Variants in RBFOX1 observed in about 807,000 individuals in gnomAD.
RBFOX1 encodes RNA binding fox-1 homolog 1, also known as RNA binding protein fox-1 homolog 1.
In RBFOX1, 8 loss-of-function variants were observed where a neutral mutation model predicts 57.7. That is an observed-to-expected ratio of 0.14 (90% CI 0.08 to 0.25). The LOEUF (loss-of-function observed/expected upper bound fraction) is 0.25. RBFOX1 is among the 10% of genes least tolerant of loss of function. RBFOX1 has a pLI of 1.00. For missense variants in RBFOX1, 611 were observed against 548.5 expected, an observed-to-expected ratio of 1.11 and a Z score of -1.14; for synonymous variants, 326 against 222.4, an observed-to-expected ratio of 1.47 and a Z score of -4.15.
At chr16:7,473,757 T>A (rs1324197964) in intron 4 of RBFOX1, among the ~76,000 whole-genome samples, 2 of 152,092 alleles carry the variant, frequency 1.3e-5, no homozygotes, top group African/African-American at 4.8e-5. Flanking sequence ...CTCCACTTCT[T>A]GGCTGTGTTC....
chr16:7,665,427 C>T (rs1449844575), intron 13 of RBFOX1, among the ~76,000 whole-genome samples: 1 of 152,186 alleles, frequency 6.6e-6, no homozygotes, highest in Non-Finnish European at 1.5e-5. Context: ...CTCTTTCTCT[C>T]TCTAGACATG....
At chr16:6,486,260 T>A (rs545382840) in intron 2 of RBFOX1, among the ~76,000 whole-genome samples, 1 of 151,964 alleles carries the variant, frequency 6.6e-6, no homozygotes, top group African/African-American at 2.4e-5. Flanking sequence ...GACAACCTGC[T>A]TGAATGGGCC....
At chr16:7,187,188 A>T (rs1410777034) in intron 4 of RBFOX1, among the ~76,000 whole-genome samples, 5 of 151,912 alleles carry the variant, frequency 3.3e-5, no homozygotes, top group Non-Finnish European at 7.4e-5. Context: ...ATAAAAAAAT[A>T]AATAAAATGT....
intron 4 of RBFOX1, among the ~76,000 whole-genome samples, chr16:7,514,950 A>G (rs2076030264): frequency 6.6e-6 from 1 of 152,216 alleles, no homozygotes; most frequent in Non-Finnish European, 1.5e-5. Context: ...CTTTGTCTTC[A>G]TATGATCATT....
At chr16:6,100,300 C>A (rs1299420) in intron 1 of RBFOX1, among the ~76,000 whole-genome samples, 25 of 152,048 alleles carry the variant, frequency 1.6e-4, no homozygotes, top group African/African-American at 5.8e-4. Flanking sequence ...GGAGCTGGGA[C>A]TACAGGCGCC....
In RBFOX1 at chr16:6,229,502, G is replaced by A. The variant is rs74006970; in HGVS notation, c.-126-87493G>A. 2.9e-3 allele frequency among the ~76,000 whole-genome samples: 449 copies of A among 152,242 alleles called. 1 individual carries two copies. Among genetic ancestry groups the A allele is most frequent in the African/African-American group, 9.8e-3 (409 of 41,564 alleles). Reference sequence around the variant, plus strand: ...ATGATGTTTGTGAGCATTAAGTGACGCAAACACAATAAAGGATTTTGCTTT... The same window carrying A: ...ATGATGTTTGTGAGCATTAAGTGACACAAACACAATAAAGGATTTTGCTTT... On this transcript the variant is annotated intron_variant, in intron 1 of 15. Coordinates refer to ENST00000550418, the MANE Select transcript of RBFOX1 (RefSeq NM_018723.4).
chr16:7,354,175 TG>T (rs1428196236), intron 4 of RBFOX1, among the ~76,000 whole-genome samples: 1 of 152,052 alleles, frequency 6.6e-6, no homozygotes, highest in East Asian at 1.9e-4. Context: ...TTCATCACAT[TG>T]GTCAGACTGG....
At chr16:6,366,799 A>T (rs1022134432) in intron 2 of RBFOX1, among the ~76,000 whole-genome samples, 1 of 152,198 alleles carries the variant, frequency 6.6e-6, no homozygotes, top group African/African-American at 2.4e-5. Flanking sequence ...AGCCAAAATT[A>T]GGCACCAGTG....
chr16:7,422,202 G>GAT (rs1598059714), intron 4 of RBFOX1, among the ~76,000 whole-genome samples: 2 of 152,204 alleles, frequency 1.3e-5, no homozygotes, highest in Admixed American at 6.5e-5. Flanking sequence ...GAAACACTTG[G>GAT]ATAGAACTGC....
chr16:5,977,334 G>A (rs1311483196), intron 4 of RBFOX1, among the ~76,000 whole-genome samples: 1 of 152,138 alleles, frequency 6.6e-6, no homozygotes, highest in Non-Finnish European at 1.5e-5. Flanking sequence ...TCACAGGCCA[G>A]CCCGTCATGC....
intron 4 of RBFOX1, among the ~76,000 whole-genome samples, chr16:7,370,455 C>G (rs578145110): frequency 5.3e-5 from 8 of 152,278 alleles, no homozygotes; most frequent in African/African-American, 1.7e-4. Context: ...ATTTGTCAAT[C>G]AAAGCGATCT....
rs539690394 is a variant in RBFOX1 at position 5,599,231 on chromosome 16, G to A, written c.588G>A (p.Pro196=). 125 of 687,304 alleles carry A rather than the reference G, an allele frequency of 1.8e-4. 1 individual carries two copies. The highest frequency in any genetic ancestry group is 1.3e-3 in the South Asian group (84 of 64,120). 42.6% of individuals were successfully genotyped at this position (687,304 alleles called of 1,614,324 possible). A position where few individuals can be genotyped will look rare whatever the true frequency, so the allele number is the denominator to read the frequency against. The change falls in exon 3 of 3, where the codon CCG becomes CCA. Residue 196 remains proline (P), a synonymous_variant. Coordinates refer to the RBFOX1 transcript ENST00000585867. ...CCAGGCCCACTTGGTGGACAGATCC[G>A]GGGCACAGTGGTTGGTGACAAGGCT...
At chr16:7,443,175 C>T (rs982807718) in intron 4 of RBFOX1, among the ~76,000 whole-genome samples, 6 of 152,116 alleles carry the variant, frequency 3.9e-5, no homozygotes, top group African/African-American at 7.2e-5. Flanking sequence ...TCTAGGATCG[C>T]GTGGTACAGG....
At chr16:6,676,078 G>T (rs1386149502) in intron 3 of RBFOX1, among the ~76,000 whole-genome samples, 1 of 151,756 alleles carries the variant, frequency 6.6e-6, no homozygotes, top group Non-Finnish European at 1.5e-5. Context: ...TAGGGGTTTG[G>T]GGTTGGGGGT....
chr16:7,348,120 A>G (rs540861577), intron 4 of RBFOX1, among the ~76,000 whole-genome samples: 1 of 152,342 alleles, frequency 6.6e-6, no homozygotes, highest in Non-Finnish European at 1.5e-5. Flanking sequence ...TTTTCTTACC[A>G]TAAAATTAAT....
intron 1 of RBFOX1, among the ~76,000 whole-genome samples, chr16:5,419,785 G>C (rs1317709424): frequency 3.3e-5 from 5 of 152,010 alleles, no homozygotes; most frequent in Non-Finnish European, 5.9e-5. Context: ...AAGTTGGAGA[G>C]ATATGAAGCT....
At chr16:6,860,473 G>A (rs923331898) in intron 3 of RBFOX1, among the ~76,000 whole-genome samples, 1 of 152,190 alleles carries the variant, frequency 6.6e-6, no homozygotes, top group East Asian at 1.9e-4. Flanking sequence ...TGATGGAAGA[G>A]TATATTGATG....
chr16:5,603,978 C>A (rs543403508), downstream of RBFOX1, among the ~76,000 whole-genome samples: 5 of 147,886 alleles, frequency 3.4e-5, no homozygotes, highest in Non-Finnish European at 7.6e-5. Flanking sequence ...GTGTCATTCT[C>A]CCCTCCTATA....
At chr16:5,437,526 C>T (rs924776012) in intron 1 of RBFOX1, among the ~76,000 whole-genome samples, 1 of 152,182 alleles carries the variant, frequency 6.6e-6, no homozygotes, top group South Asian at 2.1e-4. Context: ...CATATCCAAC[C>T]ATAGATGAAT....
Sources: gnomAD v4.1 joint callset for allele counts (sites outside exome capture counted in the v4.1 genomes callset) on GRCh38, gnomAD v4.1.1 for gene constraint, MANE v1.5 for transcripts, NCBI Gene and HGNC (gene_info 2026-07-23, HGNC 2026-07-21) for gene names.